SPATA7: variants seen among roughly 807,000 people sequenced by gnomAD.
The protein encoded by SPATA7 is spermatogenesis associated 7, also known as spermatogenesis-associated protein 7.
SPATA7 carries 43 observed loss-of-function variants against 51.8 expected under a neutral mutation model. The observed-to-expected ratio is 0.83, with a 90% CI of 0.65 to 1.07. SPATA7 has a LOEUF of 1.07. Among genes scored for constraint, SPATA7 ranks in the 50% least tolerant of loss-of-function variants. The pLI, the probability that SPATA7 is intolerant of heterozygous loss-of-function variation, is 0.00. For synonymous variants in SPATA7, 230 were observed against 252.8 expected (o/e 0.91, Z 0.86); for missense variants, 683 against 701.3 (o/e 0.97, Z 0.30).
intron 1 of SPATA7, among the ~76,000 whole-genome samples, chr14:88,391,084 C>T (rs2075731210): frequency 6.6e-6 from 1 of 152,150 alleles, no homozygotes; most frequent in Non-Finnish European, 1.5e-5. Flanking sequence ...TCTAGACTTT[C>T]TATGTGTCCT....
intron 4 of SPATA7, among the ~76,000 whole-genome samples, chr14:88,462,766 A>G (rs1040032980): frequency 1.6e-4 from 24 of 152,234 alleles, no homozygotes; most frequent in Admixed American, 1.3e-3. Flanking sequence ...TTAAGGAATA[A>G]TGATCAAAAC....
Position 88,438,045 on chromosome 14 carries a change from T to C in SPATA7, c.1423T>C (p.Leu475=). ...QQYQKALDML[L]SAPKDENEIF... Reference sequence around the variant, plus strand: ...ATACCAAAAGGCTTTGGATATGTTATTGTCGGCACCAAAGGATGAGAACGA... The same window carrying C: ...ATACCAAAAGGCTTTGGATATGTTACTGTCGGCACCAAAGGATGAGAACGA... Residue 475 remains leucine, a synonymous_variant, in exon 12 of 12, where the codon TTG becomes CTG. Transcript: ENST00000393545. 1.9e-6 allele frequency: 3 copies of C among 1,614,140 alleles called. No individual in the cohort carries two copies. In the South Asian group the frequency reaches 3.3e-5, roughly 18 times the overall value.
chr14:88,427,047 T>C (rs532952911), intron 6 of SPATA7, among the ~76,000 whole-genome samples: 1 of 152,224 alleles, frequency 6.6e-6, no homozygotes, highest in South Asian at 2.1e-4. Flanking sequence ...TATTGATTCA[T>C]GTTAAAAGTG....
intron 4 of SPATA7, chr14:88,467,358 GAAT>G (rs1025118732): frequency 4.6e-5 from 7 of 152,102 alleles, no homozygotes; most frequent in African/African-American, 1.7e-4. Flanking sequence ...TTAGATCTAT[GAAT>G]AATACTGAAA....
At chr14:88,461,739 C>T (rs1235105155) in intron 4 of SPATA7, among the ~76,000 whole-genome samples, 1 of 151,146 alleles carries the variant, frequency 6.6e-6, no homozygotes, top group East Asian at 1.9e-4. Context: ...CCGACAAGCC[C>T]CGTGAGATGA....
chr14:88,418,061 G>A (rs1438032501), intron 5 of SPATA7, among the ~76,000 whole-genome samples: 1 of 152,102 alleles, frequency 6.6e-6, no homozygotes, highest in Non-Finnish European at 1.5e-5. Flanking sequence ...GCAGAGAATT[G>A]TTCATACTAT....
intron 3 of SPATA7, among the ~76,000 whole-genome samples, chr14:88,454,866 T>G (rs558235652): frequency 7.6e-4 from 116 of 152,160 alleles, no homozygotes; most frequent in Non-Finnish European, 1.2e-3. Flanking sequence ...ATAGCTTGGC[T>G]ATACAATGAG....
intron 1 of SPATA7, 104 bp from the exon 2 acceptor site, chr14:88,391,277 T>C: frequency 6.9e-6 from 7 of 1,015,478 alleles, no homozygotes; most frequent in Non-Finnish European, 1.0e-5. Context: ...GGAAAGAAAT[T>C]ATTTTGTGAT....
exon 4 of SPATA7, chr14:88,455,077 T>C (rs2140053908): frequency 2.2e-6 from 1 of 455,976 alleles, no homozygotes; most frequent in East Asian, 6.9e-5. Context: ...ATGCTGCTAC[T>C]ACTGGTCCGA....
rs766703283 is a variant in SPATA7, at chr14:88,426,469, A to G, written c.610A>G (p.Arg204Gly). The G allele has an allele frequency of 1.4e-5, 22 of 1,614,202 alleles. No individual in the cohort carries two copies. In the East Asian group the frequency reaches 4.5e-4, roughly 33 times the overall value. ...SSGALYGRRP[R>G]STFPNSHRFQ... ...TGGAGCCCTGTATGGCAGAAGGCCC[A>G]GAAGCACATTCCCAAATTCCCACCG... The change falls in exon 6 of 12, where the codon AGA (arginine) becomes GGA (glycine). Residue 204 changes from arginine (R) to glycine (G), a missense_variant. Transcript: ENST00000393545.
At chr14:88,422,357 C>T (rs2076669868) in intron 5 of SPATA7, among the ~76,000 whole-genome samples, 1 of 152,080 alleles carries the variant, frequency 6.6e-6, no homozygotes, top group Admixed American at 6.5e-5. Context: ...AATCTGTTAT[C>T]TGCTCTGTAT....
chr14:88,426,389 G>T lies in SPATA7; in HGVS notation c.530G>T (p.Ser177Ile). Residue 177 changes from serine to isoleucine, a missense_variant, in exon 6 of 12, where the codon AGT becomes ATT. Ser to Ile is a moderately radical substitution (Grantham distance 142). Transcript: ENST00000393545. ...VITNGPEKNSSSSPSSVDYAA... is the reference protein window; with the variant it reads ...VITNGPEKNSISSPSSVDYAA... ...ACAAATGGTCCTGAGAAGAACTCCA[G>T]TTCCTCCCCGTCCAGTGTGGATTAT... The T allele has an allele frequency of 6.2e-7, 1 of 1,614,194 alleles. No individual in the cohort carries two copies. The highest frequency in any genetic ancestry group is 8.5e-7 in the Non-Finnish European group (1 of 1,180,026).
intron 3 of SPATA7, among the ~76,000 whole-genome samples, chr14:88,444,214 T>C (rs1340447195): frequency 0.022 from 3,399 of 151,306 alleles, 147 homozygotes; most frequent in African/African-American, 0.079. Context: ...TGGTTTTGAT[T>C]TGCATATCTC....
intron 10 of SPATA7, among the ~76,000 whole-genome samples, chr14:88,435,813 T>C (rs558525702): frequency 6.6e-6 from 1 of 152,312 alleles, no homozygotes; most frequent in South Asian, 2.1e-4. Context: ...ACTACGTTTT[T>C]TTATCCATTC....
At position 88,431,364 on chromosome 14, in the gene SPATA7, G is replaced by C. The variant is rs973919315; in HGVS notation, c.1082+139G>C. ...AGTAATAAATGTACATATTCATGGA[G>C]TACCTAGTGATATTTTGATACATAT... On this transcript the variant is annotated intron_variant, in intron 9 of 11. Coordinates refer to ENST00000393545, the MANE Select transcript of SPATA7 (RefSeq NM_018418.5). 5 of 814,742 alleles carry C rather than the reference G, an allele frequency of 6.1e-6. No individual in the cohort carries two copies. The East Asian group carries it at 1.2e-4, about 20-fold the overall frequency. 50.5% of individuals were successfully genotyped at this position (814,742 alleles called of 1,614,324 possible).
chr14:88,454,406 C>T (rs990886569), intron 3 of SPATA7, among the ~76,000 whole-genome samples: 3 of 152,186 alleles, frequency 2.0e-5, no homozygotes, highest in Admixed American at 6.6e-5. Flanking sequence ...TGCACAGTCC[C>T]TTTTGCCATG....
At chr14:88,425,428 T>C (rs2076762100) in intron 5 of SPATA7, among the ~76,000 whole-genome samples, 2 of 152,256 alleles carry the variant, frequency 1.3e-5, no homozygotes, top group African/African-American at 2.4e-5. Context: ...CTCCATGTAA[T>C]TTCCCCTCTA....
At chr14:88,396,078 A>G in intron 3 of SPATA7, 78 bp from the exon 4 acceptor site, 1 of 1,174,392 alleles carries the variant, frequency 8.5e-7, no homozygotes, top group Non-Finnish European at 1.3e-6. Flanking sequence ...GGTCTGGAAC[A>G]TTTTGTGATT....
In SPATA7 at chr14:88,455,108, G is replaced by T. The variant is rs1435418748; in HGVS notation, c.226G>T (p.Glu76Ter). Residue 76 changes from glutamate (E) to a stop codon, truncating the protein, a stop_gained, in exon 4 of 4, where the codon GAA (glutamate) becomes TAA (stop). Transcript: ENST00000554802. LOFTEE classifies it high-confidence loss of function. ...TCCGAAAACAACCCCACTGGAAGAT[G>T]AATAAAGTGGACACAACAAATAGCA... 1 of 455,910 alleles carries T rather than the reference G, an allele frequency of 2.2e-6. No homozygotes were observed. Among genetic ancestry groups the T allele is most frequent in the Admixed American group, 2.3e-5 (1 of 42,568 alleles). The allele number at this position is 455,910 out of a possible 1,614,324, so 28.2% of individuals were successfully genotyped here. A position where few individuals can be genotyped will look rare whatever the true frequency, so the allele number is the denominator to read the frequency against.
Sources: allele counts gnomAD v4.1 joint callset (sites outside exome capture counted in the v4.1 genomes callset), GRCh38; gene constraint gnomAD v4.1.1; transcripts MANE v1.5; gene names NCBI Gene and HGNC (gene_info 2026-07-23, HGNC 2026-07-21).